CSMD1: variants seen among roughly 807,000 people sequenced by gnomAD.
CSMD1 encodes CUB and Sushi multiple domains 1.
A neutral mutation model predicts 417.5 loss-of-function variants in CSMD1; 213 were observed. The observed-to-expected ratio is 0.51, with a 90% CI of 0.46 to 0.57. The LOEUF (loss-of-function observed/expected upper bound fraction) is 0.57. CSMD1 is among the 20% of genes least tolerant of loss of function. The probability of loss-of-function intolerance (pLI) is 0.00; values close to 1 mark genes in which losing one functional copy is unlikely to be tolerated. For synonymous variants in CSMD1, 2,862 were observed against 1,736.8 expected (o/e 1.65, Z -16.11); for missense variants, 6,923 against 4,529.7 (o/e 1.53, Z -15.17).
intron 3 of CSMD1, among the ~76,000 whole-genome samples, chr8:4,227,642 A>T (rs943632125): frequency 7.2e-5 from 11 of 152,094 alleles, no homozygotes; most frequent in African/African-American, 2.2e-4. Context: ...TCTTCCTACC[A>T]ATCATTGCCA....
rs10092075 is a variant in CSMD1, at chr8:4,156,931, C to T, written c.416-124832G>A. ...CCTCTCCGGACATTTGTGAGGGTTA[C>T]GAAACTTTATCTATCCAACCAACTT... On this transcript the variant is annotated intron_variant, in intron 3 of 69. Coordinates refer to ENST00000635120, the MANE Select transcript of CSMD1 (RefSeq NM_033225.6). 7.6e-3 allele frequency among the ~76,000 whole-genome samples: 1,162 copies of T among 152,190 alleles called. 19 individuals carry two copies. Among genetic ancestry groups the T allele is most frequent in the African/African-American group, 0.027 (1,106 of 41,532 alleles).
chr8:4,332,320 C>G (rs1361532770), intron 3 of CSMD1, among the ~76,000 whole-genome samples: 3 of 152,084 alleles, frequency 2.0e-5, no homozygotes, highest in Non-Finnish European at 2.9e-5. Flanking sequence ...AGTCCTTTCT[C>G]ATATGAGGAT....
intron 5 of CSMD1, among the ~76,000 whole-genome samples, chr8:3,849,703 G>A (rs546683109): frequency 5.3e-5 from 8 of 152,234 alleles, no homozygotes; most frequent in African/African-American, 1.2e-4. Flanking sequence ...AATCAGGATC[G>A]GCACAGGAAA....
At chr8:4,174,539 C>G (rs186002253) in intron 3 of CSMD1, among the ~76,000 whole-genome samples, 6 of 150,964 alleles carry the variant, frequency 4.0e-5, no homozygotes, top group South Asian at 2.1e-4. Flanking sequence ...CCACCCACCT[C>G]TCAAAAGAGA....
intron 5 of CSMD1, among the ~76,000 whole-genome samples, chr8:3,983,789 A>G (rs1206908814): frequency 6.6e-6 from 1 of 152,112 alleles, no homozygotes; most frequent in Non-Finnish European, 1.5e-5. Context: ...AGCACGTCGC[A>G]GTTCTGATGG....
At chr8:4,757,497 G>A (rs567242883) in intron 1 of CSMD1, among the ~76,000 whole-genome samples, 1 of 152,134 alleles carries the variant, frequency 6.6e-6, no homozygotes, top group African/African-American at 2.4e-5. Context: ...CCGCAGCTAG[G>A]CACACTGCAA....
At chr8:3,924,872 G>C (rs992714877) in intron 5 of CSMD1, among the ~76,000 whole-genome samples, 1 of 151,982 alleles carries the variant, frequency 6.6e-6, no homozygotes, top group Admixed American at 6.6e-5. Context: ...CATTTCTTTA[G>C]GGTTTGGTAC....
At chr8:3,853,163 C>T (rs1473910534) in intron 5 of CSMD1, among the ~76,000 whole-genome samples, 3 of 152,122 alleles carry the variant, frequency 2.0e-5, no homozygotes, top group African/African-American at 7.2e-5. Flanking sequence ...GCTTCAAGGA[C>T]ACTCCTCTGA....
At chr8:3,075,473 G>T in intron 49 of CSMD1, among the ~76,000 whole-genome samples, 1 of 151,310 alleles carries the variant, frequency 6.6e-6, no homozygotes, top group South Asian at 2.1e-4. Flanking sequence ...TAGAGACAGG[G>T]TTTTTCCACG....
intron 1 of CSMD1, among the ~76,000 whole-genome samples, chr8:4,685,079 T>C (rs573519323): frequency 6.6e-6 from 1 of 152,288 alleles, no homozygotes; most frequent in African/African-American, 2.4e-5. Flanking sequence ...ATCGAGCAAC[T>C]CCAACATATT....
intron 57 of CSMD1, among the ~76,000 whole-genome samples, chr8:2,968,452 G>C (rs918885420): frequency 6.6e-6 from 1 of 152,176 alleles, no homozygotes. Flanking sequence ...TTTCAATTCA[G>C]TTTGTAAGGA....
At chr8:3,599,431 C>T (rs149543096) in intron 8 of CSMD1, among the ~76,000 whole-genome samples, 168 of 152,128 alleles carry the variant, frequency 1.1e-3, no homozygotes, top group African/African-American at 4.0e-3. Context: ...AAATACAACA[C>T]GACATTACTA....
At chr8:2,964,335 C>G (rs529089619) in intron 59 of CSMD1, among the ~76,000 whole-genome samples, 1 of 152,312 alleles carries the variant, frequency 6.6e-6, no homozygotes, top group Non-Finnish European at 1.5e-5. Context: ...TCTGTTCACT[C>G]GTTCAACAAA....
intron 1 of CSMD1, among the ~76,000 whole-genome samples, chr8:4,728,257 T>C (rs995013349): frequency 1.3e-5 from 2 of 150,330 alleles, no homozygotes; most frequent in African/African-American, 4.9e-5. Flanking sequence ...TGAAGTAAAA[T>C]GCATGTATAT....
At chr8:3,768,214 A>G (rs1734294653) in intron 5 of CSMD1, among the ~76,000 whole-genome samples, 1 of 152,290 alleles carries the variant, frequency 6.6e-6, no homozygotes, top group South Asian at 2.1e-4. Flanking sequence ...CCTGGCATAG[A>G]CAACCATACA....
intron 3 of CSMD1, among the ~76,000 whole-genome samples, chr8:4,142,638 G>A (rs1438440560): frequency 1.3e-5 from 2 of 151,008 alleles, no homozygotes; most frequent in Non-Finnish European, 2.9e-5. Context: ...AATTGCAAAT[G>A]AGAGAGAAAA....
intron 3 of CSMD1, among the ~76,000 whole-genome samples, chr8:4,178,830 C>G (rs912515645): frequency 2.0e-5 from 3 of 152,050 alleles, no homozygotes; most frequent in African/African-American, 4.8e-5. Context: ...ATTCACAATT[C>G]CTTCAAAGAG....
At chr8:3,856,922 C>A (rs1328435733) in intron 5 of CSMD1, among the ~76,000 whole-genome samples, 1 of 152,126 alleles carries the variant, frequency 6.6e-6, no homozygotes, top group African/African-American at 2.4e-5. Context: ...GGTTTGCTAC[C>A]ACAGTGTAGC....
chr8:4,489,848 C>T (rs909064941), intron 2 of CSMD1, among the ~76,000 whole-genome samples: 5 of 152,094 alleles, frequency 3.3e-5, no homozygotes, highest in East Asian at 1.9e-4. Context: ...CTTGTGAGGT[C>T]GTAAGCAGGG....
Sources: gnomAD v4.1 joint callset for allele counts (sites outside exome capture counted in the v4.1 genomes callset) on GRCh38, gnomAD v4.1.1 for gene constraint, MANE v1.5 for transcripts, NCBI Gene and HGNC (gene_info 2026-07-23, HGNC 2026-07-21) for gene names.